APC: variants seen among roughly 807,000 people sequenced by gnomAD.
APC encodes adenomatous polyposis coli protein.
A neutral mutation model predicts 247.0 loss-of-function variants in APC; 72 were observed. The ratio of observed to expected loss-of-function variants is 0.29; its 90% CI spans 0.24 to 0.35. The LOEUF is 0.35. Ranked by LOEUF, APC falls within the 10% of genes least tolerant of loss-of-function variation. The pLI is 1.00. For synonymous variants in APC, 1,254 were observed against 1,162.5 expected, an observed-to-expected ratio of 1.08 and a Z score of -1.60; for missense variants, 3,400 against 3,360.7, an observed-to-expected ratio of 1.01 and a Z score of -0.29.
upstream of APC, among the ~76,000 whole-genome samples, chr5:112,736,392 A>T (rs1163140158): frequency 6.6e-6 from 1 of 152,242 alleles, no homozygotes; most frequent in African/African-American, 2.4e-5. Context: ...ATTGTAACAC[A>T]GGGACTAATG....
chr5:112,817,074 TGGCCA>T (rs1236639809), intron 9 of APC, among the ~76,000 whole-genome samples: 1 of 151,982 alleles, frequency 6.6e-6, no homozygotes, highest in Non-Finnish European at 1.5e-5. Flanking sequence ...TTTGCCATGT[TGGCCA>T]GGCTGGTCTC....
chr5:112,719,158 T>G (rs1297603893), intron 1 of APC, among the ~76,000 whole-genome samples: 1 of 152,052 alleles, frequency 6.6e-6, no homozygotes, highest in Admixed American at 6.5e-5. Context: ...TGCAGACAAA[T>G]TTGTCTTTTA....
At position 112,827,089 on chromosome 5, in the gene APC, C is replaced by G. The variant is rs763168564; in HGVS notation, c.1409-19C>G. On this transcript the variant is annotated intron_variant, in intron 11 of 15. Transcript: ENST00000257430. ...TATTTTAGATGATTGTCTTTTTCCT[C>G]TTGCCCTTTTTAAATTAGGGGGACT... 1.2e-6 allele frequency: 2 copies of G among 1,612,662 alleles called. No individual in the cohort carries two copies. Among genetic ancestry groups the G allele is most frequent in the East Asian group, 2.2e-5 (1 of 44,766 alleles).
At chr5:112,726,454 C>CCTTTT (rs1751787988) in intron 1 of APC, among the ~76,000 whole-genome samples, 1 of 152,202 alleles carries the variant, frequency 6.6e-6, no homozygotes, top group Non-Finnish European at 1.5e-5. Context: ...TTCAAACATT[C>CCTTTT]CTTTTCTTTT....
intron 9 of APC, among the ~76,000 whole-genome samples, chr5:112,815,839 G>C (rs1444797578): frequency 6.6e-6 from 1 of 152,178 alleles, no homozygotes; most frequent in African/African-American, 2.4e-5. Flanking sequence ...AGGAGGCTGA[G>C]GCATGAGAAT....
In APC at chr5:112,835,118, G is replaced by T. The variant is rs2149843760; in HGVS notation, c.1911G>T (p.Gly637=). Residue 637 remains glycine (G), a synonymous_variant, in exon 15 of 16, where the codon GGG becomes GGT. Coordinates refer to ENST00000257430, the MANE Select transcript of APC (RefSeq NM_000038.6). ...NTLAIIESGG[G]ILRNVSSLIA... ...TAGCCATTATTGAAAGTGGAGGTGGGATATTACGGAATGTGTCCAGCTTGA... is the reference window on the plus strand; with the variant it reads ...TAGCCATTATTGAAAGTGGAGGTGGTATATTACGGAATGTGTCCAGCTTGA... The T allele has an allele frequency of 6.2e-7, 1 of 1,614,112 alleles. No homozygotes were observed. The highest frequency in any genetic ancestry group is 1.1e-5 in the South Asian group (1 of 91,078).
At chr5:112,734,653 G>A (rs983556849), upstream of APC, among the ~76,000 whole-genome samples, 3 of 152,122 alleles carry the variant, frequency 2.0e-5, no homozygotes, top group East Asian at 5.8e-4. Flanking sequence ...ACTGAAAGGA[G>A]CACTAATTTT....
intron 6 of APC, among the ~76,000 whole-genome samples, chr5:112,787,616 C>G (rs1463959743): frequency 6.6e-6 from 1 of 152,136 alleles, no homozygotes; most frequent in Non-Finnish European, 1.5e-5. Context: ...TTCCTCATAT[C>G]CCTTGCTCAT....
chr5:112,776,614 G>A lies in APC; in HGVS notation c.531+877G>A, dbSNP rs1757677049. On this transcript the variant is annotated intron_variant, in intron 5 of 15. Coordinates refer to ENST00000257430, the MANE Select transcript of APC (RefSeq NM_000038.6). ...GCACTTTGGGAGGCTGAGAAAGGTG[G>A]ATCACTTAAGGCCAGGAGTTCGAGA... Among the ~76,000 whole-genome samples the A allele has an allele frequency of 2.0e-5, 3 of 152,142 alleles. No homozygotes were observed. The South Asian group carries it at 6.2e-4, about 31-fold the overall frequency.
At chr5:112,761,906 C>A (rs1755716251) in intron 2 of APC, among the ~76,000 whole-genome samples, 1 of 152,050 alleles carries the variant, frequency 6.6e-6, no homozygotes, top group African/African-American at 2.4e-5. Flanking sequence ...AAATTAAAAA[C>A]CTGTGCTTTT....
intron 1 of APC, among the ~76,000 whole-genome samples, chr5:112,708,733 G>C (rs1334068657): frequency 6.6e-6 from 1 of 152,148 alleles, no homozygotes; most frequent in Non-Finnish European, 1.5e-5. Flanking sequence ...ATGGAGAAAA[G>C]CTTTTTAAGT....
In APC at chr5:112,838,300, A is replaced by G. The variant is rs2149875685; in HGVS notation, c.2706A>G (p.Glu902=). ...EEVSAIHTSQ[E]DRSSGSTTEL... Reference sequence around the variant, plus strand: ...TGTCAGCCATTCATACCTCTCAGGAAGACAGAAGTTCTGGGTCTACCACTG... The same window carrying G: ...TGTCAGCCATTCATACCTCTCAGGAGGACAGAAGTTCTGGGTCTACCACTG... Residue 902 remains glutamate (E), a synonymous_variant, in exon 16 of 16, where the codon GAA becomes GAG. Transcript: ENST00000257430. The G allele has an allele frequency of 6.2e-7, 1 of 1,614,254 alleles. No homozygotes were observed.
chr5:112,841,568 C>G lies in APC; in HGVS notation c.5974C>G (p.Pro1992Ala), dbSNP rs749833343. The G allele has an allele frequency of 6.2e-7, 1 of 1,613,702 alleles. No homozygotes were observed. Among genetic ancestry groups the G allele is most frequent in the African/African-American group, 1.3e-5 (1 of 74,908 alleles). The change falls in exon 16 of 16, where the codon CCC becomes GCC. Residue 1992 changes from proline (P) to alanine (A), a missense_variant. Pro to Ala is a conservative substitution (Grantham distance 27). This residue lies in a region of APC where 1,788 missense variants were observed against 1,649.5 expected (regional missense o/e 1.08). Coordinates refer to ENST00000257430, the MANE Select transcript of APC (RefSeq NM_000038.6). The surrounding 1 kb of genome is among the most constrained non-coding windows in gnomAD (Gnocchi z 4.6). ...AAATGAACCTATCAAAGAGACTGAG[C>G]CCCCTGACTCACAGGGAGAACCAAG... ...KENEPIKETE[P>A]PDSQGEPSKP...
chr5:112,739,489 T>TC (rs1420315743), intron 1 of APC, among the ~76,000 whole-genome samples: 6 of 152,250 alleles, frequency 3.9e-5, no homozygotes, highest in African/African-American at 1.4e-4. Context: ...CATAAGTTTT[T>TC]CACTGATAAA....
At chr5:112,718,261 A>G (rs1253475305) in intron 1 of APC, among the ~76,000 whole-genome samples, 1 of 152,146 alleles carries the variant, frequency 6.6e-6, no homozygotes, top group Non-Finnish European at 1.5e-5. Context: ...GTAGAAATAA[A>G]TTGATGTATA....
chr5:112,833,931 A>G (rs1330158402), intron 14 of APC, among the ~76,000 whole-genome samples: 1 of 152,020 alleles, frequency 6.6e-6, no homozygotes, highest in African/African-American at 2.4e-5. Context: ...ATATCTATGT[A>G]TGGTTTACAG....
In APC at chr5:112,827,198, A is replaced by G. The variant is rs1580565553; in HGVS notation, c.1499A>G (p.Tyr500Cys). The G allele has an allele frequency of 1.9e-6, 3 of 1,613,956 alleles. No homozygotes were observed. Among genetic ancestry groups the G allele is most frequent in the Non-Finnish European group, 2.5e-6 (3 of 1,179,912 alleles). The change falls in exon 12 of 16, where the codon TAT (tyrosine) becomes TGT (cysteine). Residue 500 changes from tyrosine (Y) to cysteine (C), a missense_variant. Tyr to Cys is a radical substitution (Grantham distance 194). Around this residue, in one of 9 missense-constraint regions of APC, gnomAD observed 184 missense variants for 248.0 expected, o/e 0.74. Coordinates refer to ENST00000257430, the MANE Select transcript of APC (RefSeq NM_000038.6). ...NDHYSITLRR[Y>C]AGMALTNLTF... ...CACTACAGTATTACACTAAGACGAT[A>G]TGCTGGAATGGCTTTGACAAACTTG...
intron 8 of APC, among the ~76,000 whole-genome samples, chr5:112,807,901 T>C (rs536468822): frequency 6.6e-6 from 1 of 152,284 alleles, no homozygotes; most frequent in South Asian, 2.1e-4. Flanking sequence ...ACACCTGTAA[T>C]CTCAGCATTT....
chr5:112,831,681 C>T (rs1175158848), intron 14 of APC, among the ~76,000 whole-genome samples: 1 of 152,148 alleles, frequency 6.6e-6, no homozygotes. Context: ...TTTCCTTTAC[C>T]AGCACTCTGT....
Sources: gnomAD v4.1 joint callset for allele counts (sites outside exome capture counted in the v4.1 genomes callset) on GRCh38, gnomAD v4.1.1 for gene constraint, gnomAD v4.1.1 regional missense constraint, Gnocchi (gnomAD v3.1) non-coding constraint, MANE v1.5 for transcripts, NCBI Gene and HGNC (gene_info 2026-07-23, HGNC 2026-07-21) for gene names.